ZNF541: variants seen among roughly 807,000 people sequenced by gnomAD.
ZNF541 encodes the protein zinc finger protein 541.
ZNF541 carries 23 observed loss-of-function variants against 123.5 expected under a neutral mutation model. That is an observed-to-expected ratio of 0.19 (90% CI 0.13 to 0.26). The LOEUF (loss-of-function observed/expected upper bound fraction) is 0.26, where lower values mean the gene tolerates loss of function less well. Ranked by LOEUF, ZNF541 falls within the 10% of genes least tolerant of loss-of-function variation. The probability of loss-of-function intolerance (pLI) is 1.00; values close to 1 mark genes in which losing one functional copy is unlikely to be tolerated. For synonymous variants in ZNF541, 751 were observed against 754.5 expected (o/e 1.00, Z 0.08); for missense variants, 1,612 against 1,789.9 (o/e 0.90, Z 1.79).
At position 47,544,237 on chromosome 19, in the gene ZNF541, C is replaced by T. The variant is rs1169521909; in HGVS notation, c.2292G>A (p.Met764Ile). 3 of 1,551,564 alleles carry T rather than the reference C, an allele frequency of 1.9e-6. No individual in the cohort carries two copies. The highest frequency in any genetic ancestry group is 2.0e-5 in the Admixed American group (1 of 50,992). Residue 764 changes from methionine to isoleucine, a missense_variant, in exon 5 of 17, where the codon ATG becomes ATA. By Grantham distance (10) the Met-to-Ile change is conservative (BLOSUM62 1). Around this residue, in one of 5 missense-constraint regions of ZNF541, gnomAD observed 1,080 missense variants for 1,013.8 expected, o/e 1.07. Transcript: ENST00000391901. The part of the protein sequence containing the change: ...FSGFRKEKAK[M>I]DMCCAASPSQ... The stretch of plus-strand genomic sequence containing the variant: ...TCGGAGAAGCCGCACAGCACATATC[C>T]ATCTTCGCCTTCTCTTTCCGGAAGC...
At chr19:47,560,727 G>A (rs1180629689) in intron 2 of ZNF541, among the ~76,000 whole-genome samples, 2 of 151,884 alleles carry the variant, frequency 1.3e-5, no homozygotes, top group African/African-American at 4.8e-5. Flanking sequence ...CCATCCAACT[G>A]AGCTGAAAAC....
chr19:47,556,775 T>G (rs2123305417), intron 2 of ZNF541, among the ~76,000 whole-genome samples: 1 of 151,062 alleles, frequency 6.6e-6, no homozygotes, highest in East Asian at 1.9e-4. Context: ...TTTTTTTTTT[T>G]GAGATGGAGT....
At chr19:47,571,165 T>A (rs1480155137) in intron 2 of ZNF541, among the ~76,000 whole-genome samples, 1 of 150,808 alleles carries the variant, frequency 6.6e-6, no homozygotes, top group Non-Finnish European at 1.5e-5. Flanking sequence ...CAGGTTGGAG[T>A]GCAGTGGTGC....
In ZNF541 at chr19:47,545,344, A is replaced by G. The variant is rs1342698592; in HGVS notation, c.1185T>C (p.Pro395=). The G allele has an allele frequency of 6.5e-7, 1 of 1,542,622 alleles. No homozygotes were observed. Among genetic ancestry groups the G allele is most frequent in the South Asian group, 1.2e-5 (1 of 83,210 alleles). Residue 395 remains proline, a synonymous_variant, in exon 5 of 17, where the codon CCT becomes CCC. Transcript: ENST00000391901. This position sits in a 1 kb window ranked among gnomAD's most constrained non-coding sequence, Gnocchi z 7.5. ...CAGGGACCGTCTGGCCTCGGAAGAG[A>G]GGCAGGCAGGCAGGCACGGAGCCGC... ...PEGGSVPACL[P]LFRGQTVPAS...
Position 47,521,151 on chromosome 19 carries a change from C to G in ZNF541, c.*73G>C. On this transcript the variant is annotated 3_prime_UTR_variant, in exon 17 of 17. Transcript: ENST00000391901. This position sits in a 1 kb window ranked among gnomAD's most constrained non-coding sequence, Gnocchi z 4.2. ...GGGTGGGGGGAGGCAGAGGGGTGCC[C>G]CAAACGCCCTGGAGAGGCCGAAGGG... 1 of 1,498,370 alleles carries G rather than the reference C, an allele frequency of 6.7e-7. No homozygotes were observed. The highest frequency in any genetic ancestry group is 9.0e-7 in the Non-Finnish European group (1 of 1,116,352). 92.8% of individuals were successfully genotyped at this position (1,498,370 alleles called of 1,614,324 possible).
chr19:47,550,241 G>A (rs1970536544), intron 3 of ZNF541, among the ~76,000 whole-genome samples: 1 of 151,430 alleles, frequency 6.6e-6, no homozygotes, highest in Non-Finnish European at 1.5e-5. Context: ...GACAGAGTGG[G>A]ACTCTGTCAA....
chr19:47,559,727 G>C (rs1449364278), intron 2 of ZNF541, among the ~76,000 whole-genome samples: 1 of 151,894 alleles, frequency 6.6e-6, no homozygotes, highest in African/African-American at 2.4e-5. Context: ...GTGCACGCCT[G>C]TAGTCCCAGC....
At chr19:47,561,627 G>A (rs867436144) in intron 2 of ZNF541, among the ~76,000 whole-genome samples, 4 of 152,190 alleles carry the variant, frequency 2.6e-5, no homozygotes, top group Non-Finnish European at 2.9e-5. Flanking sequence ...GAGTGAAGGC[G>A]AAGGTAGGGT....
At position 47,559,849 on chromosome 19, in the gene ZNF541, C is replaced by CAAA. The variant is rs36037649; in HGVS notation, c.-98-3898_-98-3896dup. On this transcript the variant is annotated intron_variant, in intron 2 of 16. Transcript: ENST00000391901. Reference sequence around the variant, plus strand: ...TGGGTGACAGAGCAAGACTCTGTCTCAAAAAAAAAAAAAAAAAAATGGTGA... The same window carrying CAAA: ...TGGGTGACAGAGCAAGACTCTGTCTCAAAAAAAAAAAAAAAAAAAAAATGGTGA... Among the ~76,000 whole-genome samples, 5 of 86,942 alleles carry CAAA rather than the reference C, an allele frequency of 5.8e-5. No homozygotes were observed. The South Asian group carries it at 1.1e-3, about 20-fold the overall frequency. 57.0% of individuals were successfully genotyped at this position (86,942 alleles called of 152,430 possible). A position where few individuals can be genotyped will look rare whatever the true frequency, so the allele number is the denominator to read the frequency against.
chr19:47,552,059 T>C (rs1332893703), intron 3 of ZNF541, among the ~76,000 whole-genome samples: 1 of 151,658 alleles, frequency 6.6e-6, no homozygotes, highest in African/African-American at 2.4e-5. Flanking sequence ...GGTTTTGCCA[T>C]GTTGGCCAGG....
intron 2 of ZNF541, among the ~76,000 whole-genome samples, chr19:47,558,656 C>A (rs1007640220): frequency 6.6e-6 from 1 of 150,638 alleles, no homozygotes; most frequent in Admixed American, 6.6e-5. Context: ...TACAGTGGCG[C>A]AATCTCAGCT....
Position 47,545,995 on chromosome 19 carries a change from AAGC to A in ZNF541, c.549-18_549-16del. ...TGTGCCCGGTCCTGGAGCCAGACAC[AAGC>A]AGGGGCGTCACCGGGGCACCTGGGA... On this transcript the variant is annotated splice_polypyrimidine_tract_variant and intron_variant, in intron 4 of 16. Transcript: ENST00000391901. The surrounding 1 kb of genome is among the most constrained non-coding windows in gnomAD (Gnocchi z 7.5). The A allele has an allele frequency of 6.9e-7, 1 of 1,445,440 alleles. No individual in the cohort carries two copies. Among genetic ancestry groups the A allele is most frequent in the Non-Finnish European group, 9.2e-7 (1 of 1,092,608 alleles). The allele number at this position is 1,445,440 out of a possible 1,614,324, so 89.5% of individuals were successfully genotyped here. A position where few individuals can be genotyped will look rare whatever the true frequency, so the allele number is the denominator to read the frequency against.
intron 7 of ZNF541, 36 bp downstream of exon 7, chr19:47,540,140 C>T: frequency 6.5e-7 from 1 of 1,534,970 alleles, no homozygotes; most frequent in Non-Finnish European, 8.8e-7. Flanking sequence ...TGCCAGAAAC[C>T]CAGTAACCAC....
At chr19:47,536,994 G>A (rs1272648790) in intron 9 of ZNF541, among the ~76,000 whole-genome samples, 1 of 152,156 alleles carries the variant, frequency 6.6e-6, no homozygotes, top group Non-Finnish European at 1.5e-5. Context: ...GCTGCATATT[G>A]TATGATTCTA....
chr19:47,538,846 A>G (rs1355638918), intron 8 of ZNF541, among the ~76,000 whole-genome samples: 1 of 152,200 alleles, frequency 6.6e-6, no homozygotes. Flanking sequence ...CCCCGAGTCC[A>G]GCAGGAGCTT....
In ZNF541 at chr19:47,568,437, G is replaced by A. The variant is rs541181553; in HGVS notation, c.-99+3459C>T. The stretch of plus-strand genomic sequence containing the variant: ...TCGGCTCACTGAACCTCCACCTCGC[G>A]GATTCAAGCGATTCTCCCATCTCAG... On this transcript the variant is annotated intron_variant, in intron 2 of 16. Coordinates refer to ENST00000391901, the MANE Select transcript of ZNF541 (RefSeq NM_001277075.3). 6.6e-5 allele frequency among the ~76,000 whole-genome samples: 10 copies of A among 151,896 alleles called. No homozygotes were observed. In the East Asian group the frequency reaches 1.9e-3, roughly 30 times the overall value.
intron 5 of ZNF541, among the ~76,000 whole-genome samples, chr19:47,542,647 C>A (rs1220306565): frequency 6.6e-6 from 1 of 151,200 alleles, no homozygotes; most frequent in Non-Finnish European, 1.5e-5. Context: ...GTGAGAGACT[C>A]CGTCTCAAAA....
chr19:47,562,245 CA>C (rs527333631), intron 2 of ZNF541, among the ~76,000 whole-genome samples: 1 of 125,922 alleles, frequency 7.9e-6, no homozygotes, highest in Non-Finnish European at 1.7e-5. Context: ...ACTGTCTCCC[CA>C]AAAAAAACAA....
rs776083256 is a variant in ZNF541 at position 47,545,071 on chromosome 19, C to T, written c.1458G>A (p.Pro486=). Residue 486 remains proline (P), a synonymous_variant, in exon 5 of 17, where the codon CCG becomes CCA. Coordinates refer to ENST00000391901, the MANE Select transcript of ZNF541 (RefSeq NM_001277075.3). This position sits in a 1 kb window ranked among gnomAD's most constrained non-coding sequence, Gnocchi z 7.5. ...CCCCGCTGGCCGACCTGGGGTCGCT[C>T]GGGGCCTCCGCGGGGACCCTGAGGA... ...AALLRVPAEA[P]SDPRSASGED... The T allele has an allele frequency of 5.4e-6, 8 of 1,477,088 alleles. No homozygotes were observed. Among genetic ancestry groups the T allele is most frequent in the Middle Eastern group, 2.1e-4 (1 of 4,768 alleles). The allele number at this position is 1,477,088 out of a possible 1,614,324, so 91.5% of individuals were successfully genotyped here.
Sources: gnomAD v4.1 joint callset for allele counts (sites outside exome capture counted in the v4.1 genomes callset) on GRCh38, gnomAD v4.1.1 for gene constraint, gnomAD v4.1.1 regional missense constraint, Gnocchi (gnomAD v3.1) non-coding constraint, MANE v1.5 for transcripts, NCBI Gene and HGNC (gene_info 2026-07-23, HGNC 2026-07-21) for gene names.